The following RASSF5 variants were observed in gnomAD, a reference collection of about 807,000 sequenced individuals.
The protein encoded by RASSF5 is Ras association domain family member 5, also known as ras association domain-containing protein 5.
RASSF5 carries 25 observed loss-of-function variants against 40.5 expected under a neutral mutation model. That is an observed-to-expected ratio of 0.62 (90% CI 0.45 to 0.86). The LOEUF (loss-of-function observed/expected upper bound fraction) is 0.86. Ranked by LOEUF, RASSF5 falls within the 40% of genes least tolerant of loss-of-function variation. RASSF5 has a pLI of 0.00. For missense variants in RASSF5, 521 were observed against 572.8 expected (o/e 0.91, Z 0.92); for synonymous variants, 246 against 252.4 (o/e 0.97, Z 0.24).
chr1:206,525,401 C>T (rs1351227748), intron 1 of RASSF5, among the ~76,000 whole-genome samples: 1 of 152,106 alleles, frequency 6.6e-6, no homozygotes, highest in African/African-American at 2.4e-5. Context: ...GACCCAGGTT[C>T]CAGAAAGAAT....
rs534455057 is a variant in RASSF5 at position 206,570,245 on chromosome 1, C to T, written c.580-13024C>T. 2.2e-3 allele frequency among the ~76,000 whole-genome samples: 332 copies of T among 152,022 alleles called. 3 individuals are homozygous for T. The highest frequency in any genetic ancestry group is 7.8e-3 in the African/African-American group (325 of 41,440). ...TAGCTGGCACTACAGGCATGGACCA[C>T]CACGCTTGGCTAATTTTTTTGTATT... On this transcript the variant is annotated intron_variant, in intron 2 of 5. Coordinates refer to ENST00000579436, the MANE Select transcript of RASSF5 (RefSeq NM_182663.4).
At chr1:206,538,086 A>C (rs1667463515) in intron 1 of RASSF5, 86 bp from the exon 2 acceptor site, 1 of 1,579,428 alleles carries the variant, frequency 6.3e-7, no homozygotes, top group South Asian at 1.1e-5. Flanking sequence ...CTGGGAACTA[A>C]TGCAATCTCC....
chr1:206,528,874 C>CA (rs1208764986), intron 1 of RASSF5: 2 of 491,102 alleles, frequency 4.1e-6, no homozygotes, highest in East Asian at 3.3e-5. Context: ...CTCGTCTCTA[C>CA]AAAAAATTAA....
chr1:206,580,553 G>C (rs1668831143), intron 2 of RASSF5: 2 of 152,226 alleles, frequency 1.3e-5, no homozygotes, highest in Admixed American at 6.5e-5. Context: ...CAGCTGGCAA[G>C]GACTGAGGAT....
At chr1:206,540,900 T>G (rs1449102657) in intron 2 of RASSF5, among the ~76,000 whole-genome samples, 3 of 151,426 alleles carry the variant, frequency 2.0e-5, no homozygotes, top group African/African-American at 7.3e-5. Context: ...CTGATATATA[T>G]TTTTTTTTCC....
rs782515448 is a variant in RASSF5, at chr1:206,584,708, C to A, written c.988+24C>A. 2 of 1,613,422 alleles carry A rather than the reference C, an allele frequency of 1.2e-6. No individual in the cohort carries two copies. Among genetic ancestry groups the A allele is most frequent in the Non-Finnish European group, 1.7e-6 (2 of 1,179,550 alleles). On this transcript the variant is annotated intron_variant, in intron 4 of 5. Coordinates refer to ENST00000579436, the MANE Select transcript of RASSF5 (RefSeq NM_182663.4). This position sits in a 1 kb window ranked among gnomAD's most constrained non-coding sequence, Gnocchi z 4.9. ...AGGTAGGAGAAAGAGTGAACCCAAC[C>A]AGACCGTTCCCTTCCTACCTGTGTC...
intron 1 of RASSF5, among the ~76,000 whole-genome samples, chr1:206,516,910 C>T (rs1666760848): frequency 6.6e-6 from 1 of 152,100 alleles, no homozygotes; most frequent in African/African-American, 2.4e-5. Context: ...AGGAACTTGG[C>T]CCCCACCCCT....
intron 1 of RASSF5, among the ~76,000 whole-genome samples, chr1:206,509,520 G>C (rs1264547032): frequency 2.6e-5 from 4 of 152,200 alleles, no homozygotes; most frequent in Non-Finnish European, 5.9e-5. Context: ...CTTATCCTTG[G>C]ATGTGTTGGC....
intron 1 of RASSF5, among the ~76,000 whole-genome samples, chr1:206,530,243 G>C (rs1249670259): frequency 6.6e-6 from 1 of 152,148 alleles, no homozygotes; most frequent in Non-Finnish European, 1.5e-5. Context: ...TAATGTATAA[G>C]TATGTATAGA....
rs1162695159 is a variant in RASSF5, at chr1:206,588,525, T to C, written c.*1547T>C. ...ACCCAGCCTCTGAGAAACCATTTCT[T>C]TGCTATCCTCTGCCTTCCCAAGTCC... On this transcript the variant is annotated 3_prime_UTR_variant, in exon 6 of 6. Transcript: ENST00000579436. 6.6e-6 allele frequency: 1 copy of C among 152,394 alleles called. No individual in the cohort carries two copies. Among genetic ancestry groups the C allele is most frequent in the African/African-American group, 2.4e-5 (1 of 41,466 alleles). 9.4% of individuals were successfully genotyped at this position (152,394 alleles called of 1,614,324 possible).
At chr1:206,553,882 G>A (rs1447162408) in intron 2 of RASSF5, among the ~76,000 whole-genome samples, 2 of 152,312 alleles carry the variant, frequency 1.3e-5, no homozygotes, top group Non-Finnish European at 2.9e-5. Flanking sequence ...AAGGACTTGG[G>A]TTCTGGAGTC....
intron 2 of RASSF5, chr1:206,542,432 C>T (rs1220194064): frequency 6.6e-6 from 1 of 152,204 alleles, no homozygotes; most frequent in Non-Finnish European, 1.5e-5. Context: ...TGAGTAAAAG[C>T]TTCCTGAGGC....
At position 206,513,757 on chromosome 1, in the gene RASSF5, G is replaced by A. The variant is rs181907110; in HGVS notation, c.457+5698G>A. 1.1e-3 allele frequency among the ~76,000 whole-genome samples: 162 copies of A among 152,334 alleles called. 1 individual carries two copies. The highest frequency in any genetic ancestry group is 3.3e-3 in the African/African-American group (137 of 41,580). Reference sequence around the variant, plus strand: ...ATGTTCCGGGCTGGATCTCAGGGTCGGAAGGGGAACAGAGCCAGTTTTGGG... The same window carrying A: ...ATGTTCCGGGCTGGATCTCAGGGTCAGAAGGGGAACAGAGCCAGTTTTGGG... On this transcript the variant is annotated intron_variant, in intron 1 of 5. Transcript: ENST00000579436. The surrounding 1 kb of genome is among the most constrained non-coding windows in gnomAD (Gnocchi z 5.0).
intron 2 of RASSF5, among the ~76,000 whole-genome samples, chr1:206,539,656 A>G (rs182031968): frequency 6.6e-6 from 1 of 152,272 alleles, no homozygotes; most frequent in East Asian, 1.9e-4. Context: ...GTGTAGCCTG[A>G]ATGTAGCCTC....
At position 206,585,088 on chromosome 1, in the gene RASSF5, C is replaced by T. The variant is rs1414903619; in HGVS notation, c.989-92C>T. On this transcript the variant is annotated intron_variant, in intron 4 of 5. Coordinates refer to ENST00000579436, the MANE Select transcript of RASSF5 (RefSeq NM_182663.4). ...CCGTGTCTACTTCCAGTTGTACGTACCCCACCTCTGCATTTCCAATCCTTT... is the reference window on the plus strand; with the variant it reads ...CCGTGTCTACTTCCAGTTGTACGTATCCCACCTCTGCATTTCCAATCCTTT... 1.9e-5 allele frequency: 17 copies of T among 879,810 alleles called. No individual in the cohort carries two copies. In the East Asian group the frequency reaches 2.6e-4, roughly 14 times the overall value. 54.5% of individuals were successfully genotyped at this position (879,810 alleles called of 1,614,324 possible).
At chr1:206,554,694 T>C (rs61817213) in intron 2 of RASSF5, among the ~76,000 whole-genome samples, 6 of 152,194 alleles carry the variant, frequency 3.9e-5, no homozygotes, top group Non-Finnish European at 7.3e-5. Flanking sequence ...TGATTATTCA[T>C]AGGGAAGAGG....
At position 206,560,663 on chromosome 1, in the gene RASSF5, C is replaced by T. The variant is rs1668112662; in HGVS notation, c.579+22370C>T. Reference sequence around the variant, plus strand: ...GTCACAAATGGGGCCTGGGGGAGAGCCAGCCTGTGGGCTTGGGCAGTGCAG... The same window carrying T: ...GTCACAAATGGGGCCTGGGGGAGAGTCAGCCTGTGGGCTTGGGCAGTGCAG... On this transcript the variant is annotated intron_variant, in intron 2 of 5. Coordinates refer to ENST00000579436, the MANE Select transcript of RASSF5 (RefSeq NM_182663.4). This position sits in a 1 kb window ranked among gnomAD's most constrained non-coding sequence, Gnocchi z 5.1. Among the ~76,000 whole-genome samples the T allele has an allele frequency of 6.6e-6, 1 of 152,188 alleles. No individual in the cohort carries two copies. The highest frequency in any genetic ancestry group is 2.4e-5 in the African/African-American group (1 of 41,442).
At position 206,539,477 on chromosome 1, in the gene RASSF5, AC is replaced by A. The variant is rs199747498; in HGVS notation, c.579+1186del. On this transcript the variant is annotated intron_variant, in intron 2 of 5. Transcript: ENST00000579436. Reference sequence around the variant, plus strand: ...AAATGCCTAATTCACCATGGGTGTTACCAGCCTCCCAGCTGTTCCCTCACGC... The same window carrying A: ...AAATGCCTAATTCACCATGGGTGTTACAGCCTCCCAGCTGTTCCCTCACGC... Among the ~76,000 whole-genome samples the A allele has an allele frequency of 7.7e-3, 1,167 of 152,338 alleles. 3 individuals carry two copies. Among genetic ancestry groups the A allele is most frequent in the Non-Finnish European group, 0.012 (830 of 68,038 alleles).
At position 206,531,889 on chromosome 1, in the gene RASSF5, A is replaced by T. The variant is rs1158129820; in HGVS notation, c.458-6283A>T. The stretch of plus-strand genomic sequence containing the variant: ...TGTCTCTACTAAAAAAAAATAAATA[A>T]ATAAATACAAAAATTAGCCAGGCAT... On this transcript the variant is annotated intron_variant, in intron 1 of 5. Coordinates refer to ENST00000579436, the MANE Select transcript of RASSF5 (RefSeq NM_182663.4). The surrounding 1 kb of genome is among the most constrained non-coding windows in gnomAD (Gnocchi z 4.7). 6.6e-6 allele frequency among the ~76,000 whole-genome samples: 1 copy of T among 151,866 alleles called. No individual in the cohort carries two copies. Among genetic ancestry groups the T allele is most frequent in the African/African-American group, 2.4e-5 (1 of 41,348 alleles).
Sources: gnomAD v4.1 joint callset for allele counts (sites outside exome capture counted in the v4.1 genomes callset) on GRCh38, gnomAD v4.1.1 for gene constraint, Gnocchi (gnomAD v3.1) non-coding constraint, MANE v1.5 for transcripts, NCBI Gene and HGNC (gene_info 2026-07-23, HGNC 2026-07-21) for gene names.